Variants in PDE4B observed in about 807,000 individuals in gnomAD.
The protein encoded by PDE4B is phosphodiesterase 4B.
A neutral mutation model predicts 82.2 loss-of-function variants in PDE4B; 20 were observed. That is an observed-to-expected ratio of 0.24 (90% CI 0.17 to 0.35). The LOEUF is 0.35. PDE4B is among the 10% of genes least tolerant of loss of function. The pLI, the probability that PDE4B is intolerant of heterozygous loss-of-function variation, is 1.00. For synonymous variants in PDE4B, 320 were observed against 318.9 expected, an observed-to-expected ratio of 1.00 and a Z score of -0.04; for missense variants, 655 against 907.2, an observed-to-expected ratio of 0.72 and a Z score of 3.57.
At chr1:65,798,134 C>T (rs1438536205) in intron 1 of PDE4B, among the ~76,000 whole-genome samples, 1 of 151,986 alleles carries the variant, frequency 6.6e-6, no homozygotes, top group Non-Finnish European at 1.5e-5. Context: ...TCTTCTGCCT[C>T]AGCCTCCCAA....
intron 3 of PDE4B, among the ~76,000 whole-genome samples, chr1:66,156,603 C>T (rs1401504323): frequency 6.6e-6 from 1 of 151,696 alleles, no homozygotes; most frequent in Non-Finnish European, 1.5e-5. Context: ...AAAAAAAAAA[C>T]AAACAAACCT....
In PDE4B at chr1:65,943,893, T is replaced by A. The variant is rs1569772290; in HGVS notation, c.281+25058T>A. ...ATAGTTCTAATAATTTTTTGTGGAG[T>A]CTTTAGGGATTTTTATTTATAAGAT... is the stretch of plus-strand genomic sequence containing the variant. On this transcript the variant is annotated intron_variant, in intron 3 of 16. Coordinates refer to ENST00000341517, the MANE Select transcript of PDE4B (RefSeq NM_002600.4). 2.6e-5 allele frequency among the ~76,000 whole-genome samples: 4 copies of A among 152,038 alleles called. No homozygotes were observed. The South Asian group carries it at 8.3e-4, about 31-fold the overall frequency.
At chr1:65,806,947 A>G (rs1645761422) in intron 1 of PDE4B, among the ~76,000 whole-genome samples, 1 of 152,194 alleles carries the variant, frequency 6.6e-6, no homozygotes. Flanking sequence ...AAAATTTCTT[A>G]TCTTTTAAAA....
intron 3 of PDE4B, among the ~76,000 whole-genome samples, chr1:66,179,937 A>G (rs1434560319): frequency 6.6e-6 from 1 of 152,236 alleles, no homozygotes; most frequent in Non-Finnish European, 1.5e-5. Flanking sequence ...ATTGACCAAG[A>G]GTCCCCCTAA....
intron 3 of PDE4B, among the ~76,000 whole-genome samples, chr1:66,193,930 C>A (rs2101490113): frequency 1.3e-5 from 2 of 149,068 alleles, no homozygotes. Flanking sequence ...ACATTTGAAC[C>A]ATAACAAGAG....
chr1:66,268,577 A>G (rs1211141638), intron 7 of PDE4B, among the ~76,000 whole-genome samples: 1 of 144,146 alleles, frequency 6.9e-6, no homozygotes, highest in Non-Finnish European at 1.5e-5. Flanking sequence ...CTGAGGCAGG[A>G]GAATCTCTTG....
intron 1 of PDE4B, among the ~76,000 whole-genome samples, chr1:65,807,646 C>A (rs1645769516): frequency 6.6e-6 from 1 of 152,180 alleles, no homozygotes; most frequent in Admixed American, 6.5e-5. Flanking sequence ...CCCTCTAATT[C>A]TCGATTTTGT....
At chr1:66,071,107 C>A (rs1473404878) in intron 3 of PDE4B, among the ~76,000 whole-genome samples, 3 of 151,900 alleles carry the variant, frequency 2.0e-5, no homozygotes, top group Non-Finnish European at 2.9e-5. Flanking sequence ...TTTGCATTGA[C>A]TAGCAGCATA....
chr1:66,350,002 C>T (rs758956481), intron 8 of PDE4B, among the ~76,000 whole-genome samples: 1 of 151,922 alleles, frequency 6.6e-6, no homozygotes, highest in Admixed American at 6.6e-5. Flanking sequence ...TGCTTAGGGC[C>T]AGAGCTAAGA....
intron 3 of PDE4B, among the ~76,000 whole-genome samples, chr1:66,162,341 T>G (rs1188580207): frequency 7.1e-6 from 1 of 141,628 alleles, no homozygotes; most frequent in Non-Finnish European, 1.5e-5. Context: ...TTTGCTATTC[T>G]GGTGACCCAT....
chr1:65,805,125 T>C (rs1258252343), intron 1 of PDE4B, among the ~76,000 whole-genome samples: 1 of 151,900 alleles, frequency 6.6e-6, no homozygotes, highest in Non-Finnish European at 1.5e-5. Context: ...CCACCAAGCC[T>C]GGATAAGTTT....
At chr1:66,371,061 C>CATATATATAT (rs5774812) in intron 16 of PDE4B, among the ~76,000 whole-genome samples, 1 of 110,864 alleles carries the variant, frequency 9.0e-6, no homozygotes, top group African/African-American at 3.2e-5. Flanking sequence ...ACACATCATA[C>CATATATATAT]ATATATATAT....
chr1:66,307,363 T>C (rs639911), intron 7 of PDE4B, among the ~76,000 whole-genome samples: 9,886 of 151,972 alleles, frequency 0.065, 1,027 homozygotes, highest in African/African-American at 0.22. Flanking sequence ...AGTACTGAAA[T>C]TGGTGAGGTC....
At chr1:66,369,060 T>C in intron 16 of PDE4B, 91 bp downstream of exon 16, 1 of 958,508 alleles carries the variant, frequency 1.0e-6, no homozygotes, top group African/African-American at 1.7e-5. Context: ...CAATAGAATA[T>C]GTATATATGA....
intron 3 of PDE4B, among the ~76,000 whole-genome samples, chr1:66,129,846 A>G (rs975938343): frequency 3.3e-5 from 5 of 152,234 alleles, no homozygotes; most frequent in African/African-American, 1.2e-4. Flanking sequence ...GATGCTACAC[A>G]TAATATGACT....
At chr1:65,960,955 T>C (rs1649513952) in intron 3 of PDE4B, among the ~76,000 whole-genome samples, 1 of 152,132 alleles carries the variant, frequency 6.6e-6, no homozygotes, top group Non-Finnish European at 1.5e-5. Context: ...ATAAAAAACA[T>C]TTTTGGACTC....
intron 3 of PDE4B, among the ~76,000 whole-genome samples, chr1:66,196,949 T>G (rs748750954): frequency 2.6e-5 from 4 of 151,934 alleles, no homozygotes; most frequent in Non-Finnish European, 5.9e-5. Flanking sequence ...CCCTAAAACT[T>G]AAAGTATAAC....
chr1:65,795,882 A>G (rs761536032), intron 1 of PDE4B, among the ~76,000 whole-genome samples: 1 of 152,202 alleles, frequency 6.6e-6, no homozygotes, highest in Non-Finnish European at 1.5e-5. Context: ...CCCACCTGTG[A>G]CTATGTTCTT....
chr1:66,057,150 G>T lies in PDE4B; in HGVS notation c.281+138315G>T, dbSNP rs1199582905. Among the ~76,000 whole-genome samples, 7 of 152,154 alleles carry T rather than the reference G, an allele frequency of 4.6e-5. No homozygotes were observed. In the South Asian group the frequency reaches 1.2e-3, roughly 27 times the overall value. ...AGGAGTCCCCAGTTTGGTGCACCATGAACTTGCATAGAGGGAACTCTTTCC... is the reference window on the plus strand; with the variant it reads ...AGGAGTCCCCAGTTTGGTGCACCATTAACTTGCATAGAGGGAACTCTTTCC... On this transcript the variant is annotated intron_variant, in intron 3 of 16. Transcript: ENST00000341517.
Sources: gnomAD v4.1 joint callset for allele counts (sites outside exome capture counted in the v4.1 genomes callset) on GRCh38, gnomAD v4.1.1 for gene constraint, MANE v1.5 for transcripts, NCBI Gene and HGNC (gene_info 2026-07-23, HGNC 2026-07-21) for gene names.